The following NCAM2 variants were observed in gnomAD, a reference collection of about 807,000 sequenced individuals.
NCAM2 encodes N-CAM-2.
NCAM2 carries 30 observed loss-of-function variants against 98.1 expected under a neutral mutation model. That is an observed-to-expected ratio of 0.31 (90% confidence interval 0.23 to 0.41). The LOEUF is 0.41. Among genes scored for constraint, NCAM2 ranks in the 10% least tolerant of loss-of-function variants. The pLI is 1.00. For missense variants in NCAM2, 867 were observed against 1,005.8 expected, an observed-to-expected ratio of 0.86 and a Z score of 1.87; for synonymous variants, 368 against 342.4, an observed-to-expected ratio of 1.07 and a Z score of -0.83.
At chr21:21,205,294 G>C (rs1324861625) in intron 1 of NCAM2, among the ~76,000 whole-genome samples, 1 of 152,018 alleles carries the variant, frequency 6.6e-6, no homozygotes, top group African/African-American at 2.4e-5. Context: ...TGCATTGTTT[G>C]TCAACATGTC....
At chr21:21,523,450 T>A (rs1333262809) in intron 16 of NCAM2, among the ~76,000 whole-genome samples, 1 of 151,416 alleles carries the variant, frequency 6.6e-6, no homozygotes, top group African/African-American at 2.4e-5. Flanking sequence ...TTGAAGAGGC[T>A]GTCCTTTCCC....
intron 9 of NCAM2, among the ~76,000 whole-genome samples, chr21:21,383,998 C>T (rs1602174036): frequency 6.6e-6 from 1 of 151,952 alleles, no homozygotes; most frequent in Admixed American, 6.5e-5. Context: ...TCTTCATTAG[C>T]CTGGTGTTTG....
At chr21:21,225,255 AG>A (rs2070334248) in intron 1 of NCAM2, among the ~76,000 whole-genome samples, 1 of 152,012 alleles carries the variant, frequency 6.6e-6, no homozygotes, top group Admixed American at 6.6e-5. Context: ...GGGGCTTGTC[AG>A]GGGGTCGGGA....
intron 9 of NCAM2, among the ~76,000 whole-genome samples, chr21:21,382,012 G>A (rs1455734240): frequency 6.6e-6 from 1 of 151,934 alleles, no homozygotes; most frequent in African/African-American, 2.4e-5. Flanking sequence ...TAAGCATGGG[G>A]TTTCACTATC....
rs61499995 is a variant in NCAM2, at chr21:21,296,700, C to A, written c.619+4459C>A. Among the ~76,000 whole-genome samples, 778 of 151,588 alleles carry A rather than the reference C, an allele frequency of 5.1e-3. 38 individuals are homozygous for A. The East Asian group carries it at 0.13, about 26-fold the overall frequency. ...GAGTTCATGTGAGAGATAATTGGGG[C>A]CTTTACTAAAGGGCAAGGAAATGAA... is the stretch of plus-strand genomic sequence containing the variant. On this transcript the variant is annotated intron_variant, in intron 5 of 17. Transcript: ENST00000400546.
intron 12 of NCAM2, among the ~76,000 whole-genome samples, chr21:21,453,119 TAAC>T (rs929078595): frequency 5.8e-4 from 78 of 134,528 alleles, no homozygotes; most frequent in Admixed American, 9.3e-4. Context: ...TTATATATAA[TAAC>T]AAAATATATA....
chr21:21,366,438 T>C (rs1031200320), intron 8 of NCAM2, among the ~76,000 whole-genome samples: 4 of 152,106 alleles, frequency 2.6e-5, no homozygotes, highest in Non-Finnish European at 5.9e-5. Context: ...CCTAATCTTA[T>C]TTAATTCTCA....
chr21:21,117,009 ATATT>A (rs1010027943), intron 1 of NCAM2, among the ~76,000 whole-genome samples: 6 of 152,212 alleles, frequency 3.9e-5, no homozygotes, highest in Non-Finnish European at 5.9e-5. Flanking sequence ...AAATTTTAAA[ATATT>A]TATTTGAAGA....
chr21:21,398,614 A>G (rs1441495360), intron 9 of NCAM2, among the ~76,000 whole-genome samples: 2 of 152,138 alleles, frequency 1.3e-5, no homozygotes, highest in Non-Finnish European at 2.9e-5. Context: ...GGATTTAAGG[A>G]GTGTGAATAG....
At chr21:21,100,582 G>A (rs1228671624) in intron 1 of NCAM2, among the ~76,000 whole-genome samples, 1 of 152,048 alleles carries the variant, frequency 6.6e-6, no homozygotes, top group Non-Finnish European at 1.5e-5. Flanking sequence ...TACATTTCCT[G>A]TTATAATGCA....
chr21:21,307,898 A>T (rs1034208165), intron 5 of NCAM2, among the ~76,000 whole-genome samples: 1 of 152,150 alleles, frequency 6.6e-6, no homozygotes, highest in African/African-American at 2.4e-5. Flanking sequence ...GGTCTCGCCT[A>T]GATAATTCAT....
intron 1 of NCAM2, among the ~76,000 whole-genome samples, chr21:21,030,973 TC>T: frequency 6.6e-6 from 1 of 152,288 alleles, no homozygotes; most frequent in East Asian, 1.9e-4. Flanking sequence ...TGACAAGGGC[TC>T]AGGTGAATAG....
chr21:21,120,687 A>T (rs542547582), intron 1 of NCAM2, among the ~76,000 whole-genome samples: 3 of 151,368 alleles, frequency 2.0e-5, no homozygotes, highest in East Asian at 2.0e-4. Flanking sequence ...ATTAAAGTTT[A>T]AAAAAATTGA....
chr21:21,029,876 C>T (rs866183548), intron 1 of NCAM2, among the ~76,000 whole-genome samples: 2 of 152,052 alleles, frequency 1.3e-5, no homozygotes, highest in African/African-American at 4.8e-5. Flanking sequence ...GTGATTCGCC[C>T]GCCTGAGCCT....
At chr21:21,065,800 G>A (rs751934127) in intron 1 of NCAM2, among the ~76,000 whole-genome samples, 10 of 152,036 alleles carry the variant, frequency 6.6e-5, no homozygotes, top group Non-Finnish European at 1.2e-4. Flanking sequence ...TTTACAAAAC[G>A]GTTTATATGT....
At chr21:21,140,696 C>CT (rs2067148998) in intron 1 of NCAM2, among the ~76,000 whole-genome samples, 2 of 152,066 alleles carry the variant, frequency 1.3e-5, no homozygotes, top group Non-Finnish European at 2.9e-5. Context: ...GTTTTCTCTT[C>CT]TGTCACTTTT....
intron 1 of NCAM2, among the ~76,000 whole-genome samples, chr21:21,108,855 A>G (rs577208339): frequency 1.3e-5 from 2 of 152,276 alleles, no homozygotes; most frequent in African/African-American, 4.8e-5. Context: ...GTATTTGTTT[A>G]TAAGTCAGAT....
chr21:21,286,537 G>T, intron 4 of NCAM2, 125 bp downstream of exon 4: 2 of 1,053,626 alleles, frequency 1.9e-6, no homozygotes, highest in Non-Finnish European at 2.7e-6. Flanking sequence ...CAACTATTTT[G>T]AGAACCTGTA....
intron 9 of NCAM2, 131 bp downstream of exon 9, chr21:21,374,144 T>A: frequency 1.3e-6 from 1 of 771,330 alleles, no homozygotes; most frequent in Non-Finnish European, 1.9e-6. Flanking sequence ...AGAGGAAATA[T>A]AGGAATCATT....
Sources: allele counts gnomAD v4.1 joint callset (sites outside exome capture counted in the v4.1 genomes callset), GRCh38; gene constraint gnomAD v4.1.1; transcripts MANE v1.5; gene names NCBI Gene and HGNC (gene_info 2026-07-23, HGNC 2026-07-21).